Variants in RELN observed in about 807,000 individuals in gnomAD.
The protein encoded by RELN is reelin.
In RELN, 108 loss-of-function variants were observed where a neutral mutation model predicts 427.6. The ratio of observed to expected loss-of-function variants is 0.25; its 90% CI spans 0.22 to 0.30. The LOEUF is 0.30. RELN is among the 10% of genes least tolerant of loss of function. RELN has a pLI of 1.00. For synonymous variants in RELN, 1,524 were observed against 1,513.4 expected, an observed-to-expected ratio of 1.01 and a Z score of -0.16; for missense variants, 3,715 against 4,302.8, an observed-to-expected ratio of 0.86 and a Z score of 3.82.
At chr7:103,588,062 A>G (rs1180238951) in intron 28 of RELN, among the ~76,000 whole-genome samples, 1 of 152,156 alleles carries the variant, frequency 6.6e-6, no homozygotes, top group Non-Finnish European at 1.5e-5. Flanking sequence ...AAAGAAACCA[A>G]TATATCAAAG....
intron 12 of RELN, among the ~76,000 whole-genome samples, chr7:103,658,494 C>G (rs940694195): frequency 6.6e-6 from 1 of 151,916 alleles, no homozygotes; most frequent in South Asian, 2.1e-4. Flanking sequence ...CTATCGTATC[C>G]CACCATATTC....
intron 8 of RELN, among the ~76,000 whole-genome samples, chr7:103,721,428 C>T (rs975303750): frequency 2.0e-5 from 3 of 152,094 alleles, no homozygotes; most frequent in African/African-American, 7.2e-5. Flanking sequence ...GACCTTGGCC[C>T]TGGTGCTTGC....
At chr7:103,827,717 T>C (rs1793177403) in intron 3 of RELN, among the ~76,000 whole-genome samples, 1 of 152,006 alleles carries the variant, frequency 6.6e-6, no homozygotes, top group Non-Finnish European at 1.5e-5. Context: ...ACAATATTTC[T>C]TTTATCTTGT....
At chr7:103,915,068 C>G (rs1358963255) in intron 2 of RELN, among the ~76,000 whole-genome samples, 1 of 152,048 alleles carries the variant, frequency 6.6e-6, no homozygotes, top group Non-Finnish European at 1.5e-5. Context: ...AGCCGTATCC[C>G]CTTCCCTCTT....
chr7:103,861,412 C>G (rs1231929293), intron 2 of RELN, among the ~76,000 whole-genome samples: 1 of 152,046 alleles, frequency 6.6e-6, no homozygotes, highest in Admixed American at 6.6e-5. Flanking sequence ...GTTGGCAGAG[C>G]CTATGCTATG....
intron 4 of RELN, among the ~76,000 whole-genome samples, chr7:103,753,817 A>G (rs142009067): frequency 5.3e-5 from 8 of 152,342 alleles, no homozygotes. Flanking sequence ...CTTGATGTTA[A>G]TTATTTTAGA....
intron 51 of RELN, among the ~76,000 whole-genome samples, chr7:103,505,192 C>G (rs891388046): frequency 5.9e-5 from 9 of 152,212 alleles, no homozygotes; most frequent in Non-Finnish European, 1.0e-4. Flanking sequence ...AGCAGCGGTT[C>G]TCTCAGCACA....
intron 3 of RELN, among the ~76,000 whole-genome samples, chr7:103,829,977 A>G (rs1793236349): frequency 6.6e-6 from 1 of 152,068 alleles, no homozygotes; most frequent in African/African-American, 2.4e-5. Context: ...AGCTTTAGAA[A>G]GATCAGGTAA....
chr7:103,589,599 G>T lies in RELN; in HGVS notation c.4142C>A (p.Ser1381Tyr). The change falls in exon 28 of 65, where the codon TCC (serine) becomes TAC (tyrosine). Residue 1381 changes from serine (S) to tyrosine (Y), a missense_variant. By Grantham distance (144) the Ser-to-Tyr change is moderately radical. Around this residue, in one of 4 missense-constraint regions of RELN, gnomAD observed 2,208 missense variants for 2,361.7 expected, o/e 0.93. Transcript: ENST00000428762. ...ITIVIPRSLA[S>Y]SKTRFRWIQE... The stretch of plus-strand genomic sequence containing the variant: ...CCATTAAGAATGATTACTTTACCTG[G>T]ATGCAAGAGACCTTGGAATAACAAT... The T allele has an allele frequency of 3.7e-6, 6 of 1,604,982 alleles. No homozygotes were observed. Among genetic ancestry groups the T allele is most frequent in the Non-Finnish European group, 4.3e-6 (5 of 1,171,754 alleles).
At chr7:103,846,089 T>G (rs957637375) in intron 2 of RELN, among the ~76,000 whole-genome samples, 7 of 152,158 alleles carry the variant, frequency 4.6e-5, no homozygotes, top group Non-Finnish European at 7.3e-5. Flanking sequence ...ATTTTAAATT[T>G]CATATGGAAC....
At chr7:103,508,000 TGA>T (rs1829272363) in intron 51 of RELN, among the ~76,000 whole-genome samples, 1 of 152,162 alleles carries the variant, frequency 6.6e-6, no homozygotes, top group Non-Finnish European at 1.5e-5. Context: ...GTCGAATCCC[TGA>T]ATAGACCAAT....
intron 6 of RELN, among the ~76,000 whole-genome samples, chr7:103,740,767 T>C (rs1476103839): frequency 1.3e-5 from 2 of 152,240 alleles, no homozygotes; most frequent in Non-Finnish European, 2.9e-5. Context: ...CCTACCTCTC[T>C]AAGATTGTAC....
At chr7:103,732,121 CT>C (rs547064940) in intron 6 of RELN, among the ~76,000 whole-genome samples, 6 of 152,162 alleles carry the variant, frequency 3.9e-5, no homozygotes, top group Admixed American at 3.9e-4. Flanking sequence ...AGATGATCAG[CT>C]GAACTTTCAG....
intron 6 of RELN, among the ~76,000 whole-genome samples, chr7:103,732,955 A>T (rs2115961876): frequency 6.6e-6 from 1 of 152,106 alleles, no homozygotes; most frequent in East Asian, 1.9e-4. Context: ...TTTTGTTGCC[A>T]TTGCTTTTGG....
At chr7:103,665,377 T>C (rs1034256223) in intron 11 of RELN, among the ~76,000 whole-genome samples, 1 of 149,456 alleles carries the variant, frequency 6.7e-6, no homozygotes, top group Non-Finnish European at 1.5e-5. Flanking sequence ...TATATATATA[T>C]ATATAAAATC....
chr7:103,892,601 A>G (rs976419371), intron 2 of RELN, among the ~76,000 whole-genome samples: 3 of 152,248 alleles, frequency 2.0e-5, no homozygotes, highest in Admixed American at 2.0e-4. Context: ...TTTATTTTGG[A>G]GTCTTTAGAG....
chr7:103,726,145 A>G (rs563264), intron 7 of RELN, among the ~76,000 whole-genome samples: 17,948 of 152,236 alleles, frequency 0.12, 1,164 homozygotes, highest in Middle Eastern at 0.28. Context: ...TAAATATTGA[A>G]TATAATGTTA....
chr7:103,892,190 A>G (rs901162186), intron 2 of RELN, among the ~76,000 whole-genome samples: 1 of 152,310 alleles, frequency 6.6e-6, no homozygotes, highest in Admixed American at 6.5e-5. Context: ...TCAGTTGGAA[A>G]TTGATGTCCA....
At chr7:103,918,644 G>C (rs1423379544) in intron 1 of RELN, among the ~76,000 whole-genome samples, 1 of 152,078 alleles carries the variant, frequency 6.6e-6, no homozygotes, top group Non-Finnish European at 1.5e-5. Flanking sequence ...AATATTTAGT[G>C]AATTATTAAT....
Sources: allele counts gnomAD v4.1 joint callset (sites outside exome capture counted in the v4.1 genomes callset), GRCh38; gene constraint gnomAD v4.1.1; regional missense constraint gnomAD v4.1.1; transcripts MANE v1.5; gene names NCBI Gene and HGNC (gene_info 2026-07-23, HGNC 2026-07-21).